TPH2: variants seen among roughly 807,000 people sequenced by gnomAD.
The protein encoded by TPH2 is tryptophan 5-hydroxylase 2.
In TPH2, 27 loss-of-function variants were observed where a neutral mutation model predicts 59.1. That is an observed-to-expected ratio of 0.46 (90% CI 0.34 to 0.63). The LOEUF (loss-of-function observed/expected upper bound fraction) is 0.63. Among genes scored for constraint, TPH2 ranks in the 30% least tolerant of loss-of-function variants. The pLI is 0.01. For missense variants in TPH2, 523 were observed against 588.3 expected (o/e 0.89, Z 1.15); for synonymous variants, 220 against 210.5 (o/e 1.05, Z -0.39).
At chr12:71,976,693 A>G (rs1872129270) in intron 6 of TPH2, among the ~76,000 whole-genome samples, 3 of 152,188 alleles carry the variant, frequency 2.0e-5, no homozygotes. Context: ...TGTGCGAATT[A>G]TGGGTCTGAG....
chr12:71,939,182 C>T (rs1300420121), intron 1 of TPH2, 91 bp downstream of exon 1: 1 of 932,554 alleles, frequency 1.1e-6, no homozygotes, highest in Non-Finnish European at 1.7e-6. Flanking sequence ...GTAGTGTAAG[C>T]ACGCACACCT....
intron 1 of TPH2, among the ~76,000 whole-genome samples, chr12:71,939,354 A>G (rs140748934): frequency 6.6e-6 from 1 of 150,946 alleles, no homozygotes; most frequent in African/African-American, 2.4e-5. Flanking sequence ...CTGAACATTA[A>G]GAATGAGAGA....
intron 8 of TPH2, among the ~76,000 whole-genome samples, chr12:72,003,891 C>G (rs1396168341): frequency 6.6e-6 from 1 of 152,212 alleles, no homozygotes; most frequent in Non-Finnish European, 1.5e-5. Flanking sequence ...AGAGAGCCAT[C>G]ATATAATTGC....
intron 1 of TPH2, among the ~76,000 whole-genome samples, chr12:71,939,665 G>A (rs1342261895): frequency 6.6e-6 from 1 of 151,962 alleles, no homozygotes; most frequent in African/African-American, 2.4e-5. Flanking sequence ...ATTTTTTTCA[G>A]TTTACTTGAT....
At chr12:71,939,951 A>T (rs1273924047) in intron 1 of TPH2, among the ~76,000 whole-genome samples, 1 of 152,232 alleles carries the variant, frequency 6.6e-6, no homozygotes, top group Non-Finnish European at 1.5e-5. Context: ...GTAGCTCCAA[A>T]TATGTGCCAG....
Position 72,022,479 on chromosome 12 carries a change from C to T in TPH2, c.1149C>T (p.Ser383=), listed in dbSNP as rs752679242. ...CATATGGAGCAGGACTCCTTTCCTC[C>T]ATTGGAGAATTAAAGGTATGAAGCT... ...LRAYGAGLLS[S]IGELKHALSD... Residue 383 remains serine (S), a synonymous_variant, in exon 9 of 11, where the codon TCC becomes TCT. Coordinates refer to ENST00000333850, the MANE Select transcript of TPH2 (RefSeq NM_173353.4). 1 of 1,613,108 alleles carries T rather than the reference C, an allele frequency of 6.2e-7. No individual in the cohort carries two copies. The highest frequency in any genetic ancestry group is 8.5e-7 in the Non-Finnish European group (1 of 1,179,086).
chr12:72,000,628 A>G (rs1252960497), intron 8 of TPH2, among the ~76,000 whole-genome samples: 1 of 152,220 alleles, frequency 6.6e-6, no homozygotes, highest in Non-Finnish European at 1.5e-5. Context: ...TTCGAAAGGC[A>G]CATAGTAATC....
At chr12:71,993,057 T>A (rs1348415989) in intron 7 of TPH2, among the ~76,000 whole-genome samples, 1 of 152,256 alleles carries the variant, frequency 6.6e-6, no homozygotes, top group Non-Finnish European at 1.5e-5. Flanking sequence ...GGAGTTTGTT[T>A]CAGTATCCTG....
chr12:72,017,205 G>T (rs533487658), intron 8 of TPH2, among the ~76,000 whole-genome samples: 1 of 152,262 alleles, frequency 6.6e-6, no homozygotes, highest in East Asian at 1.9e-4. Flanking sequence ...TGCCCATTTG[G>T]CTAGGCCCGA....
chr12:72,028,764 C>G (rs767499722), intron 9 of TPH2, among the ~76,000 whole-genome samples: 9 of 152,174 alleles, frequency 5.9e-5, no homozygotes, highest in Non-Finnish European at 1.2e-4. Flanking sequence ...ACCAGCATAT[C>G]ACACGCATAG....
chr12:72,016,027 A>G (rs1873241170), intron 8 of TPH2, among the ~76,000 whole-genome samples: 1 of 152,200 alleles, frequency 6.6e-6, no homozygotes, highest in African/African-American at 2.4e-5. Context: ...TGATAAGAAA[A>G]GAATGCTGGA....
intron 5 of TPH2, chr12:71,964,907 AG>A (rs1871775100): frequency 4.1e-6 from 1 of 246,284 alleles, no homozygotes; most frequent in Non-Finnish European, 6.5e-6. Flanking sequence ...AGTACCCAAT[AG>A]TTTACTTTCC....
chr12:72,025,145 T>C (rs868351878), intron 9 of TPH2, among the ~76,000 whole-genome samples: 1 of 152,168 alleles, frequency 6.6e-6, no homozygotes. Context: ...CATGTAGGGA[T>C]AACTTTATTA....
intron 5 of TPH2, among the ~76,000 whole-genome samples, chr12:71,970,940 A>AT (rs1057358108): frequency 8.5e-5 from 13 of 152,110 alleles, no homozygotes; most frequent in African/African-American, 2.7e-4. Flanking sequence ...ACTGCAATTA[A>AT]TTTTTTTTAA....
intron 5 of TPH2, among the ~76,000 whole-genome samples, chr12:71,954,159 C>T (rs931314971): frequency 1.6e-4 from 24 of 151,902 alleles, no homozygotes; most frequent in Admixed American, 8.5e-4. Flanking sequence ...ACCATGAACC[C>T]GAAAGAGGAG....
At chr12:71,995,313 A>T (rs1020702753) in intron 8 of TPH2, among the ~76,000 whole-genome samples, 12 of 152,180 alleles carry the variant, frequency 7.9e-5, no homozygotes, top group Admixed American at 2.0e-4. Flanking sequence ...CTAAGGGCCC[A>T]GGAAGAGAAA....
intron 2 of TPH2, 86 bp from the exon 3 acceptor site, chr12:71,944,208 C>T: frequency 1.4e-6 from 2 of 1,448,584 alleles, no homozygotes; most frequent in Non-Finnish European, 9.7e-7. Context: ...GTACTTGGCA[C>T]CTTGCTTAAG....
At chr12:71,979,858 A>G (rs1010512092) in intron 7 of TPH2, among the ~76,000 whole-genome samples, 11 of 152,358 alleles carry the variant, frequency 7.2e-5, no homozygotes, top group Middle Eastern at 3.4e-3. Context: ...AATATGTAAC[A>G]AGCATTTACT....
intron 2 of TPH2, among the ~76,000 whole-genome samples, chr12:71,942,225 C>T (rs1024452109): frequency 6.6e-6 from 1 of 152,088 alleles, no homozygotes; most frequent in African/African-American, 2.4e-5. Flanking sequence ...GAGTCACTCT[C>T]CTTATATTAT....
Sources: gnomAD v4.1 joint callset for allele counts (sites outside exome capture counted in the v4.1 genomes callset) on GRCh38, gnomAD v4.1.1 for gene constraint, MANE v1.5 for transcripts, NCBI Gene and HGNC (gene_info 2026-07-23, HGNC 2026-07-21) for gene names.